The following PTPRD variants were observed in gnomAD, a reference collection of about 807,000 sequenced individuals.
PTPRD encodes protein tyrosine phosphatase receptor type D, also known as receptor-type tyrosine-protein phosphatase delta.
Under a neutral mutation model 214.5 loss-of-function variants are expected in PTPRD, and 34 were observed. The ratio of observed to expected loss-of-function variants is 0.16; its 90% CI spans 0.12 to 0.21. The LOEUF (loss-of-function observed/expected upper bound fraction) is 0.21. Ranked by LOEUF, PTPRD falls within the 10% of genes least tolerant of loss-of-function variation. The pLI, the probability that PTPRD is intolerant of heterozygous loss-of-function variation, is 1.00. For synonymous variants in PTPRD, 1,128 were observed against 845.7 expected (o/e 1.33, Z -5.79); for missense variants, 2,545 against 2,398.7 (o/e 1.06, Z -1.27).
In PTPRD at chr9:9,866,442, T is replaced by A. The variant is rs73643809; in HGVS notation, c.-368+72065A>T. ...GTTTTTATACAGTATGACCAGAAAT[T>A]TTTGTCTCTTAAGCAAAGGTTCTAG... On this transcript the variant is annotated intron_variant, in intron 5 of 45. Transcript: ENST00000381196. Among the ~76,000 whole-genome samples, 636 of 152,216 alleles carry A rather than the reference T, an allele frequency of 4.2e-3. 5 individuals carry two copies. Among genetic ancestry groups the A allele is most frequent in the African/African-American group, 0.014 (587 of 41,538 alleles).
intron 3 of PTPRD, among the ~76,000 whole-genome samples, chr9:10,339,839 A>G (rs569424499): frequency 1.3e-5 from 2 of 151,876 alleles, no homozygotes; most frequent in South Asian, 4.1e-4. Flanking sequence ...AACACCTTCA[A>G]TATCTCCTTG....
At chr9:8,609,908 C>T (rs1360356623) in intron 14 of PTPRD, among the ~76,000 whole-genome samples, 1 of 151,910 alleles carries the variant, frequency 6.6e-6, no homozygotes, top group Non-Finnish European at 1.5e-5. Flanking sequence ...TTAAAAACTC[C>T]AACATAAATG....
Position 9,600,887 on chromosome 9 carries a change from T to A in PTPRD, c.-286-26106A>T, listed in dbSNP as rs1342758679. ...ATAACACAAACTATATTTTTTCTACTTGTATATTTCATGATATGTTTGGTT... is the reference window on the plus strand; with the variant it reads ...ATAACACAAACTATATTTTTTCTACATGTATATTTCATGATATGTTTGGTT... On this transcript the variant is annotated intron_variant, in intron 7 of 45. Transcript: ENST00000381196. 5.9e-5 allele frequency among the ~76,000 whole-genome samples: 9 copies of A among 152,092 alleles called. 1 individual carries two copies. Among genetic ancestry groups the A allele is most frequent in the Admixed American group, 5.9e-4 (9 of 15,232 alleles).
At chr9:10,548,083 A>G (rs2060533223) in intron 2 of PTPRD, among the ~76,000 whole-genome samples, 1 of 152,098 alleles carries the variant, frequency 6.6e-6, no homozygotes, top group East Asian at 1.9e-4. Flanking sequence ...CACAGCTCTG[A>G]GACAGTGAAC....
At chr9:8,654,580 A>G (rs1009094564) in intron 12 of PTPRD, among the ~76,000 whole-genome samples, 1 of 152,238 alleles carries the variant, frequency 6.6e-6, no homozygotes, top group African/African-American at 2.4e-5. Flanking sequence ...ATCATTATAT[A>G]TACATGTAAG....
At chr9:9,764,387 T>C (rs932408382) in intron 6 of PTPRD, among the ~76,000 whole-genome samples, 4 of 152,092 alleles carry the variant, frequency 2.6e-5, no homozygotes, top group African/African-American at 9.7e-5. Flanking sequence ...CTTTAAAAAA[T>C]AAATGAAATT....
rs930167647 is a variant in PTPRD at position 9,883,819 on chromosome 9, A to G, written c.-368+54688T>C. Among the ~76,000 whole-genome samples, 8 of 152,126 alleles carry G rather than the reference A, an allele frequency of 5.3e-5. No homozygotes were observed. The South Asian group carries it at 1.0e-3, about 20-fold the overall frequency. ...TTCCAGGGCAAACTTTTCAATACCC[A>G]AGGGAAAACAACTGAAGTAGAACTG... On this transcript the variant is annotated intron_variant, in intron 5 of 45. Coordinates refer to ENST00000381196, the MANE Select transcript of PTPRD (RefSeq NM_002839.4).
chr9:8,446,449 T>A (rs1331963460), intron 34 of PTPRD, among the ~76,000 whole-genome samples: 3 of 152,242 alleles, frequency 2.0e-5, no homozygotes, highest in African/African-American at 7.2e-5. Context: ...GCCTACTGAA[T>A]TTCAAATCGT....
intron 33 of PTPRD, 106 bp downstream of exon 33, chr9:8,460,305 A>G (rs1467413304): frequency 7.8e-7 from 1 of 1,284,508 alleles, no homozygotes; most frequent in Admixed American, 1.7e-5. Context: ...AATGGCACTG[A>G]AGTATTTCTA....
chr9:10,094,850 C>A (rs2098467256), intron 3 of PTPRD, among the ~76,000 whole-genome samples: 1 of 151,410 alleles, frequency 6.6e-6, no homozygotes. Flanking sequence ...TTCACTCTTA[C>A]ACTAAGTGCC....
intron 9 of PTPRD, among the ~76,000 whole-genome samples, chr9:9,246,202 C>T (rs2099972999): frequency 6.6e-6 from 1 of 151,914 alleles, no homozygotes; most frequent in Non-Finnish European, 1.5e-5. Flanking sequence ...GTTTGTTGTC[C>T]ACCTGAATTC....
At chr9:8,332,792 C>T (rs544864256) in intron 43 of PTPRD, among the ~76,000 whole-genome samples, 2 of 152,144 alleles carry the variant, frequency 1.3e-5, no homozygotes, top group African/African-American at 4.8e-5. Flanking sequence ...AGAAATAATC[C>T]AAGCTTAGAG....
intron 2 of PTPRD, among the ~76,000 whole-genome samples, chr9:10,451,798 C>T (rs1484676124): frequency 6.6e-6 from 1 of 151,990 alleles, no homozygotes; most frequent in Non-Finnish European, 1.5e-5. Flanking sequence ...AATACGAATG[C>T]TTTCTTAGCT....
intron 3 of PTPRD, among the ~76,000 whole-genome samples, chr9:10,120,878 G>A (rs908298864): frequency 4.6e-5 from 7 of 151,768 alleles, no homozygotes; most frequent in African/African-American, 1.7e-4. Flanking sequence ...CCCTTCCATA[G>A]TAATAATTTC....
chr9:10,460,981 C>CAA (rs1166648928), intron 2 of PTPRD, among the ~76,000 whole-genome samples: 3 of 151,960 alleles, frequency 2.0e-5, no homozygotes, highest in Admixed American at 2.0e-4. Flanking sequence ...AACATATTTT[C>CAA]AAACCATATA....
chr9:8,587,063 T>C (rs1364402460), intron 14 of PTPRD, among the ~76,000 whole-genome samples: 2 of 152,026 alleles, frequency 1.3e-5, no homozygotes, highest in Non-Finnish European at 2.9e-5. Flanking sequence ...GGCAGGAGAA[T>C]GGTGTGAGTC....
chr9:9,648,549 T>C (rs982790746), intron 7 of PTPRD, among the ~76,000 whole-genome samples: 2 of 152,226 alleles, frequency 1.3e-5, no homozygotes, highest in African/African-American at 4.8e-5. Flanking sequence ...TTCAATTAGA[T>C]ATTTGATGAT....
At chr9:10,166,014 T>G (rs1410336899) in intron 3 of PTPRD, among the ~76,000 whole-genome samples, 1 of 149,796 alleles carries the variant, frequency 6.7e-6, no homozygotes, top group Admixed American at 6.7e-5. Context: ...TATTTATATA[T>G]AATACATATC....
chr9:10,517,977 G>A (rs143420404), intron 2 of PTPRD, among the ~76,000 whole-genome samples: 163 of 152,056 alleles, frequency 1.1e-3, no homozygotes, highest in African/African-American at 3.8e-3. Flanking sequence ...AATACGAATT[G>A]GAATATATTG....
Sources: gnomAD v4.1 joint callset for allele counts (sites outside exome capture counted in the v4.1 genomes callset) on GRCh38, gnomAD v4.1.1 for gene constraint, MANE v1.5 for transcripts, NCBI Gene and HGNC (gene_info 2026-07-23, HGNC 2026-07-21) for gene names.